PCSK5: variants seen among roughly 807,000 people sequenced by gnomAD.
PCSK5 encodes proprotein convertase subtilisin/kexin type 5.
In PCSK5, 129 loss-of-function variants were observed where a neutral mutation model predicts 233.2. That is an observed-to-expected ratio of 0.55 (90% CI 0.48 to 0.64). PCSK5 has a LOEUF of 0.64. PCSK5 is among the 30% of genes least tolerant of loss of function. PCSK5 has a pLI of 0.00. For missense variants in PCSK5, 2,076 were observed against 2,430.1 expected (o/e 0.85, Z 3.06); for synonymous variants, 825 against 879.2 (o/e 0.94, Z 1.09).
chr9:76,307,217 G>A (rs1253161972), intron 28 of PCSK5, among the ~76,000 whole-genome samples: 2 of 152,164 alleles, frequency 1.3e-5, no homozygotes. Flanking sequence ...CGGCATAGCT[G>A]GGATCTGAAG....
chr9:76,342,257 T>C (rs1829855255), intron 35 of PCSK5, among the ~76,000 whole-genome samples: 1 of 152,190 alleles, frequency 6.6e-6, no homozygotes, highest in Non-Finnish European at 1.5e-5. Context: ...AAGAGGATTG[T>C]ACCCTAAATT....
rs986616306 is a variant in PCSK5 at position 76,296,850 on chromosome 9, G to A, written c.3508G>A (p.Gly1170Ser). The change falls in exon 27 of 38, where the codon GGC becomes AGC. Residue 1170 changes from glycine to serine, a missense_variant. Physicochemically the swap from Gly to Ser is moderately conservative, Grantham distance 56 (BLOSUM62 0). Transcript: ENST00000674117. ...CVHATKTQEE[G>S]KFWNEAVSTA... Reference sequence around the variant, plus strand: ...GCATGCCACCAAGACCCAGGAGGAGGGCAAATTCTGGAATGGTATGTGCCC... The same window carrying A: ...GCATGCCACCAAGACCCAGGAGGAGAGCAAATTCTGGAATGGTATGTGCCC... 3 of 1,608,608 alleles carry A rather than the reference G, an allele frequency of 1.9e-6. No individual in the cohort carries two copies. The highest frequency in any genetic ancestry group is 1.4e-5 in the African/African-American group (1 of 73,650).
intron 2 of PCSK5, among the ~76,000 whole-genome samples, chr9:75,944,266 T>C (rs1213705548): frequency 6.6e-6 from 1 of 151,574 alleles, no homozygotes; most frequent in East Asian, 1.9e-4. Context: ...AAGATGAAGA[T>C]GTGTTCCCGT....
intron 2 of PCSK5, among the ~76,000 whole-genome samples, chr9:75,947,416 A>G (rs1303927643): frequency 6.6e-6 from 1 of 152,148 alleles, no homozygotes; most frequent in Non-Finnish European, 1.5e-5. Context: ...TTTGGTGGTT[A>G]TGTAGATTAC....
intron 24 of PCSK5, among the ~76,000 whole-genome samples, chr9:76,246,814 G>T (rs1826618167): frequency 6.6e-6 from 1 of 152,304 alleles, no homozygotes; most frequent in South Asian, 2.1e-4. Flanking sequence ...GGAAGGCAAG[G>T]CACAAAGGTA....
At chr9:76,098,901 T>G (rs1206824582) in intron 8 of PCSK5, among the ~76,000 whole-genome samples, 1 of 152,174 alleles carries the variant, frequency 6.6e-6, no homozygotes, top group Admixed American at 6.5e-5. Context: ...GTGACTCCCA[T>G]GGCAGGGGTG....
chr9:75,997,140 C>T (rs1291973697), intron 3 of PCSK5, among the ~76,000 whole-genome samples: 1 of 152,142 alleles, frequency 6.6e-6, no homozygotes, highest in Non-Finnish European at 1.5e-5. Context: ...GAGAGCCGGT[C>T]ATTTAGATTT....
chr9:75,969,035 G>C (rs1448862099), intron 2 of PCSK5, among the ~76,000 whole-genome samples: 1 of 151,470 alleles, frequency 6.6e-6, no homozygotes, highest in East Asian at 1.9e-4. Flanking sequence ...TCTATGGCGG[G>C]GGGTGGGGGG....
chr9:76,012,261 C>A (rs990598467), intron 3 of PCSK5, among the ~76,000 whole-genome samples: 1 of 152,208 alleles, frequency 6.6e-6, no homozygotes, highest in African/African-American at 2.4e-5. Flanking sequence ...GAAGGACTTT[C>A]AGATAACTCA....
chr9:76,149,324 A>G (rs539657642), intron 10 of PCSK5, among the ~76,000 whole-genome samples: 26 of 152,296 alleles, frequency 1.7e-4, no homozygotes, highest in African/African-American at 5.3e-4. Flanking sequence ...CAGCTGATGG[A>G]TGTGTAGCTG....
At position 76,005,531 on chromosome 9, in the gene PCSK5, T is replaced by C. The variant is rs549272896; in HGVS notation, c.412-18207T>C. Among the ~76,000 whole-genome samples the C allele has an allele frequency of 2.0e-5, 3 of 152,304 alleles. 1 individual carries two copies. Among genetic ancestry groups the C allele is most frequent in the Admixed American group, 2.0e-4 (3 of 15,292 alleles). ...TTAGTTCATAGAGATCTTTATTCTTTTTTGCAGTGGTGTTCTGGTAGAGTT... is the reference window on the plus strand; with the variant it reads ...TTAGTTCATAGAGATCTTTATTCTTCTTTGCAGTGGTGTTCTGGTAGAGTT... On this transcript the variant is annotated intron_variant, in intron 3 of 37. Transcript: ENST00000674117.
intron 5 of PCSK5, among the ~76,000 whole-genome samples, chr9:76,039,048 C>T (rs1209833670): frequency 6.6e-6 from 1 of 152,176 alleles, no homozygotes; most frequent in African/African-American, 2.4e-5. Flanking sequence ...TTGTTGAAAT[C>T]TTTGTAGCCC....
chr9:76,341,648 C>G (rs1443772656), intron 35 of PCSK5, among the ~76,000 whole-genome samples: 1 of 152,190 alleles, frequency 6.6e-6, no homozygotes, highest in Admixed American at 6.5e-5. Flanking sequence ...TGGTCTTAAG[C>G]TCACTGTAAA....
intron 1 of PCSK5, among the ~76,000 whole-genome samples, chr9:75,901,695 A>G (rs7858419): frequency 0.062 from 9,441 of 151,890 alleles, 287 homozygotes; most frequent in Middle Eastern, 0.11. Flanking sequence ...GAGGAAATGG[A>G]TGTCTGGATA....
intron 20 of PCSK5, among the ~76,000 whole-genome samples, chr9:76,204,893 CAT>C (rs1334781453): frequency 2.0e-5 from 3 of 152,212 alleles, no homozygotes; most frequent in South Asian, 2.1e-4. Flanking sequence ...AGATGGAAAA[CAT>C]AAATTCACTG....
At chr9:76,070,688 A>G (rs1317633702) in intron 6 of PCSK5, among the ~76,000 whole-genome samples, 2 of 152,168 alleles carry the variant, frequency 1.3e-5, no homozygotes, top group East Asian at 1.9e-4. Flanking sequence ...TTTATAATTA[A>G]AAGTTAAACA....
intron 32 of PCSK5, among the ~76,000 whole-genome samples, chr9:76,325,889 T>C (rs1829346561): frequency 6.6e-6 from 1 of 152,100 alleles, no homozygotes; most frequent in South Asian, 2.1e-4. Context: ...TGCCCGTCTC[T>C]GCCTCCCAAA....
At chr9:76,190,585 G>A (rs952760304) in intron 20 of PCSK5, among the ~76,000 whole-genome samples, 1 of 83,978 alleles carries the variant, frequency 1.2e-5, no homozygotes, top group Non-Finnish European at 2.6e-5. Flanking sequence ...ATTCAATCAT[G>A]TGAAGATTCT....
intron 35 of PCSK5, among the ~76,000 whole-genome samples, chr9:76,346,285 T>C (rs1448206559): frequency 6.6e-6 from 1 of 152,244 alleles, no homozygotes; most frequent in South Asian, 2.1e-4. Flanking sequence ...TTTTGGTTAC[T>C]GTGGCCTTAT....
Sources: allele counts gnomAD v4.1 joint callset (sites outside exome capture counted in the v4.1 genomes callset), GRCh38; gene constraint gnomAD v4.1.1; transcripts MANE v1.5; gene names NCBI Gene and HGNC (gene_info 2026-07-23, HGNC 2026-07-21).